Variants in GNG10 observed in about 807,000 individuals in gnomAD.
GNG10 encodes the protein guanine nucleotide-binding protein G(I)/G(S)/G(O) subunit gamma-10.
GNG10 carries 7 observed loss-of-function variants against 6.8 expected under a neutral mutation model. That is an observed-to-expected ratio of 1.02 (90% CI 0.58 to 1.92). The LOEUF is 1.92. Ranked by LOEUF, GNG10 falls within the 30% of genes most tolerant of loss-of-function variation. The pLI is 0.00. For synonymous variants in GNG10, 28 were observed against 34.8 expected (o/e 0.80, Z 0.69); for missense variants, 57 against 86.1 (o/e 0.66, Z 1.34).
At chr9:111,665,608 G>A (rs1055285021) in intron 1 of GNG10, among the ~76,000 whole-genome samples, 2 of 152,168 alleles carry the variant, frequency 1.3e-5, no homozygotes, top group Non-Finnish European at 2.9e-5. Flanking sequence ...CCTTCAGATG[G>A]TTGTCTTACA....
chr9:111,663,218 C>T (rs1830850834), intron 1 of GNG10, among the ~76,000 whole-genome samples: 1 of 151,618 alleles, frequency 6.6e-6, no homozygotes. Context: ...CACGCAGATG[C>T]GCTGTGACTG....
intron 1 of GNG10, among the ~76,000 whole-genome samples, chr9:111,664,798 A>G (rs901636914): frequency 6.6e-6 from 1 of 152,140 alleles, no homozygotes; most frequent in African/African-American, 2.4e-5. Flanking sequence ...GGAGTCCTGG[A>G]GACAGTGTCC....
In GNG10 at chr9:111,669,357, TTA is replaced by T. The variant is rs1305587369; in HGVS notation, c.*96_*97del. The T allele has an allele frequency of 6.6e-6, 1 of 152,174 alleles. No homozygotes were observed. The highest frequency in any genetic ancestry group is 2.4e-5 in the African/African-American group (1 of 41,430). The allele number at this position is 152,174 out of a possible 1,614,324, so 9.4% of individuals were successfully genotyped here. On this transcript the variant is annotated 3_prime_UTR_variant, in exon 3 of 3. Transcript: ENST00000374293. ...TCAAGAAAACACTTTTCCCTAACTTTTAGAGATATTTCAGCCCTTTCCTGTGG... is the reference window on the plus strand; with the variant it reads ...TCAAGAAAACACTTTTCCCTAACTTTGAGATATTTCAGCCCTTTCCTGTGG...
In GNG10 at chr9:111,661,878, A is replaced by G. The variant is rs1289124325; in HGVS notation, c.81+163A>G. 2.0e-5 allele frequency among the ~76,000 whole-genome samples: 3 copies of G among 151,028 alleles called. No individual in the cohort carries two copies. The highest frequency in any genetic ancestry group is 6.6e-5 in the Admixed American group (1 of 15,190). On this transcript the variant is annotated intron_variant, in intron 1 of 2. Transcript: ENST00000374293. The surrounding 1 kb of genome is among the most constrained non-coding windows in gnomAD (Gnocchi z 6.1). ...TCCGCGGTGAGGGAGGGCGCGGGGC[A>G]AGCCGGGGGCCCGGGCCTGACGGGA...
chr9:111,669,057 C>G (rs942801490), intron 2 of GNG10, among the ~76,000 whole-genome samples: 1 of 151,952 alleles, frequency 6.6e-6, no homozygotes, highest in South Asian at 2.1e-4. Flanking sequence ...CAGGGTTTCT[C>G]CATGTTGGTC....
intron 2 of GNG10, among the ~76,000 whole-genome samples, 184 bp from the exon 3 acceptor site, chr9:111,669,085 C>G (rs1830959149): frequency 6.6e-6 from 1 of 151,902 alleles, no homozygotes; most frequent in Admixed American, 6.5e-5. Context: ...TCTTGAACTC[C>G]CAATATCAGG....
intron 1 of GNG10, among the ~76,000 whole-genome samples, chr9:111,662,809 TTA>T (rs1268448086): frequency 2.0e-5 from 3 of 152,288 alleles, no homozygotes; most frequent in Non-Finnish European, 4.4e-5. Context: ...GTCTGGTGGC[TTA>T]TGTGTTAGTA....
chr9:111,667,591 G>T (rs971827070), intron 2 of GNG10, among the ~76,000 whole-genome samples: 1 of 152,112 alleles, frequency 6.6e-6, no homozygotes, highest in African/African-American at 2.4e-5. Context: ...GTTGGGATTT[G>T]CTACTTAGTG....
intron 2 of GNG10, among the ~76,000 whole-genome samples, chr9:111,667,824 T>C (rs1830928367): frequency 6.6e-6 from 1 of 152,144 alleles, no homozygotes; most frequent in Admixed American, 6.5e-5. Context: ...ACTTCTTGGG[T>C]TCGAATGCTT....
chr9:111,661,855 C>T lies in GNG10; in HGVS notation c.81+140C>T, dbSNP rs1267182739. ...GGCGGGGCGCGGGGGCGGTGGGGTC[C>T]GCGGTGAGGGAGGGCGCGGGGCAAG... On this transcript the variant is annotated intron_variant, in intron 1 of 2. Transcript: ENST00000374293. This position sits in a 1 kb window ranked among gnomAD's most constrained non-coding sequence, Gnocchi z 6.1. The T allele has an allele frequency of 4.1e-5, 13 of 320,340 alleles. No homozygotes were observed. In the Admixed American group the frequency reaches 6.9e-4, roughly 17 times the overall value. The allele number at this position is 320,340 out of a possible 1,614,324, so 19.8% of individuals were successfully genotyped here.
Position 111,661,669 on chromosome 9 carries a change from G to T in GNG10, c.35G>T (p.Arg12Leu). 4.3e-6 allele frequency: 6 copies of T among 1,383,160 alleles called. No homozygotes were observed. Among genetic ancestry groups the T allele is most frequent in the African/African-American group, 1.5e-5 (1 of 66,780 alleles). The allele number at this position is 1,383,160 out of a possible 1,614,324, so 85.7% of individuals were successfully genotyped here. ...SSGASASALQ[R>L]LVEQLKLEAG... is the part of the protein sequence containing the mutation. Reference sequence around the variant, plus strand: ...GGGGCTAGCGCGAGCGCCCTGCAGCGCTTGGTAGAGCAGCTCAAGTTGGAG... The same window carrying T: ...GGGGCTAGCGCGAGCGCCCTGCAGCTCTTGGTAGAGCAGCTCAAGTTGGAG... Residue 12 changes from arginine to leucine, a missense_variant, in exon 1 of 3, where the codon CGC becomes CTC. Physicochemically the swap from Arg to Leu is moderately radical, Grantham distance 102 (BLOSUM62 -2). Coordinates refer to ENST00000374293, the MANE Select transcript of GNG10 (RefSeq NM_001017998.4). The surrounding 1 kb of genome is among the most constrained non-coding windows in gnomAD (Gnocchi z 6.1).
chr9:111,666,362 C>G (rs1318422261), intron 1 of GNG10, among the ~76,000 whole-genome samples: 1 of 152,158 alleles, frequency 6.6e-6, no homozygotes, highest in Non-Finnish European at 1.5e-5. Context: ...GCTATACCGC[C>G]TCAAAAGCAA....
At position 111,661,720 on chromosome 9, in the gene GNG10, G is replaced by C. The variant is rs1423540229; in HGVS notation, c.81+5G>C. ...GCTGGCGTGGAGAGGATCAAGGTGC[G>C]GGCCCCGGGTACCCACGCTCCGGTC... On this transcript the variant is annotated splice_donor_5th_base_variant and intron_variant, in intron 1 of 2. Coordinates refer to ENST00000374293, the MANE Select transcript of GNG10 (RefSeq NM_001017998.4). This position sits in a 1 kb window ranked among gnomAD's most constrained non-coding sequence, Gnocchi z 6.1. The C allele has an allele frequency of 7.5e-7, 1 of 1,340,666 alleles. No individual in the cohort carries two copies. The highest frequency in any genetic ancestry group is 9.8e-7 in the Non-Finnish European group (1 of 1,024,240). The allele number at this position is 1,340,666 out of a possible 1,614,324, so 83.0% of individuals were successfully genotyped here. A position where few individuals can be genotyped will look rare whatever the true frequency, so the allele number is the denominator to read the frequency against.
chr9:111,666,765 G>T (rs768418531), intron 1 of GNG10, 50 bp from the exon 2 acceptor site: 1 of 1,584,156 alleles, frequency 6.3e-7, no homozygotes, highest in East Asian at 2.3e-5. Flanking sequence ...CTTGACTGCC[G>T]GGTGGCTTGG....
At chr9:111,665,506 G>A (rs1346701952) in intron 1 of GNG10, among the ~76,000 whole-genome samples, 1 of 152,102 alleles carries the variant, frequency 6.6e-6, no homozygotes, top group East Asian at 1.9e-4. Flanking sequence ...ATTGAGAATG[G>A]CCTCACTCAC....
In GNG10 at chr9:111,662,233, C is replaced by T. The variant is rs567340704; in HGVS notation, c.81+518C>T. On this transcript the variant is annotated intron_variant, in intron 1 of 2. Coordinates refer to ENST00000374293, the MANE Select transcript of GNG10 (RefSeq NM_001017998.4). ...AGTTCGGCTGCGGACCTGGGGACTC[C>T]GGGGAGTCATCCGGGAGGTATTTGT... is the stretch of plus-strand genomic sequence containing the variant. 3.3e-5 allele frequency among the ~76,000 whole-genome samples: 5 copies of T among 152,102 alleles called. No homozygotes were observed. In the South Asian group the frequency reaches 1.0e-3, roughly 32 times the overall value.
At chr9:111,664,966 G>A (rs368192303) in intron 1 of GNG10, among the ~76,000 whole-genome samples, 133 of 152,240 alleles carry the variant, frequency 8.7e-4, no homozygotes, top group African/African-American at 3.0e-3. Flanking sequence ...TCTATTGAGA[G>A]CAAAAGCAAA....
chr9:111,666,789 G>A (rs1400824215), intron 1 of GNG10, 26 bp from the exon 2 acceptor site: 2 of 1,609,300 alleles, frequency 1.2e-6, no homozygotes, highest in Non-Finnish European at 1.7e-6. Context: ...TGAGCAGGGT[G>A]CCATGTTGCT....
chr9:111,669,561 A>G lies in GNG10; in HGVS notation c.*299A>G, dbSNP rs1367489052. On this transcript the variant is annotated 3_prime_UTR_variant, in exon 3 of 3. Transcript: ENST00000374293. ...ACATACCAAAATGCACCTCTTTCAT[A>G]AGTGAGTTACTAAGATTTCTATACC... The G allele has an allele frequency of 6.7e-6, 1 of 149,744 alleles. No homozygotes were observed. Among genetic ancestry groups the G allele is most frequent in the African/African-American group, 2.5e-5 (1 of 40,404 alleles). The allele number at this position is 149,744 out of a possible 1,614,324, so 9.3% of individuals were successfully genotyped here.
Sources: allele counts gnomAD v4.1 joint callset (sites outside exome capture counted in the v4.1 genomes callset), GRCh38; gene constraint gnomAD v4.1.1; non-coding constraint Gnocchi (gnomAD v3.1); transcripts MANE v1.5; gene names NCBI Gene and HGNC (gene_info 2026-07-23, HGNC 2026-07-21).